The following SLC1A5 variants were observed in gnomAD, a reference collection of about 807,000 sequenced individuals.
The protein encoded by SLC1A5 is neutral amino acid transporter B(0).
Under a neutral mutation model 34.9 loss-of-function variants are expected in SLC1A5, and 25 were observed. The ratio of observed to expected loss-of-function variants is 0.72; its 90% CI spans 0.52 to 1.00. SLC1A5 has a LOEUF of 1.00. SLC1A5 is among the 50% of genes least tolerant of loss of function. The pLI, the probability that SLC1A5 is intolerant of heterozygous loss-of-function variation, is 0.00. For synonymous variants in SLC1A5, 351 were observed against 341.2 expected (o/e 1.03, Z -0.32); for missense variants, 637 against 740.0 (o/e 0.86, Z 1.61).
At chr19:46,778,963 G>T in intron 4 of SLC1A5, 55 bp from the exon 5 acceptor site, 1 of 1,337,412 alleles carries the variant, frequency 7.5e-7, no homozygotes, top group Non-Finnish European at 1.0e-6. Flanking sequence ...CCAGTGGCCA[G>T]GCGTGAGGCT....
rs2055077208 is a variant in SLC1A5 at position 46,775,396 on chromosome 19, T to TC, written c.*113dup. ...CCTGGAGGGTGCTGGGGCCCCTGGC[T>TC]CCCCAGAGTGTGCAGGCAGACCCCC... is the stretch of plus-strand genomic sequence containing the variant. On this transcript the variant is annotated 3_prime_UTR_variant, in exon 8 of 8. Coordinates refer to ENST00000542575, the MANE Select transcript of SLC1A5 (RefSeq NM_005628.3). 6 of 1,511,276 alleles carry TC rather than the reference T, an allele frequency of 4.0e-6. No homozygotes were observed. Among genetic ancestry groups the TC allele is most frequent in the Non-Finnish European group, 5.3e-6 (6 of 1,132,462 alleles). 93.6% of individuals were successfully genotyped at this position (1,511,276 alleles called of 1,614,324 possible). A position where few individuals can be genotyped will look rare whatever the true frequency, so the allele number is the denominator to read the frequency against.
At chr19:46,780,154 C>A (rs1281959569) in intron 4 of SLC1A5, among the ~76,000 whole-genome samples, 1 of 151,552 alleles carries the variant, frequency 6.6e-6, no homozygotes, top group Non-Finnish European at 1.5e-5. Flanking sequence ...ACTGGGCCAC[C>A]CAGTTTCTTA....
intron 4 of SLC1A5, among the ~76,000 whole-genome samples, chr19:46,780,652 C>T (rs1450600756): frequency 6.6e-6 from 1 of 151,556 alleles, no homozygotes; most frequent in African/African-American, 2.4e-5. Flanking sequence ...GGTACCACAA[C>T]CAGCCAAAAC....
intron 4 of SLC1A5, among the ~76,000 whole-genome samples, chr19:46,779,418 C>G (rs566988980): frequency 1.4e-5 from 2 of 138,714 alleles, no homozygotes; most frequent in South Asian, 4.6e-4. Flanking sequence ...GAGTGAAACT[C>G]CATCTCAAAA....
At chr19:46,786,434 G>C (rs942479153) in intron 1 of SLC1A5, among the ~76,000 whole-genome samples, 2 of 152,150 alleles carry the variant, frequency 1.3e-5, no homozygotes, top group Non-Finnish European at 2.9e-5. Flanking sequence ...CCAGGCCCAG[G>C]CTGGGCCAGG....
At chr19:46,777,534 G>T in intron 5 of SLC1A5, 129 bp from the exon 6 acceptor site, 1 of 721,624 alleles carries the variant, frequency 1.4e-6, no homozygotes, top group Non-Finnish European at 2.1e-6. Flanking sequence ...ACCCCACCCA[G>T]TGGATCCCCA....
At chr19:46,778,992 T>G in intron 4 of SLC1A5, 84 bp from the exon 5 acceptor site, 1 of 926,886 alleles carries the variant, frequency 1.1e-6, no homozygotes, top group South Asian at 1.7e-5. Flanking sequence ...TACCCACATC[T>G]TCCTGCCTTC....
intron 4 of SLC1A5, 41 bp downstream of exon 4, chr19:46,782,342 T>TGCCAACCCCCCCC: frequency 1.9e-6 from 1 of 523,372 alleles, no homozygotes. Context: ...AGACCGACCC[T>TGCCAACCCCCCCC]CCAACCCCAC....
At chr19:46,782,346 A>ACCCCCACCCCCCCCCACCCCCCCCCC in intron 4 of SLC1A5, 37 bp downstream of exon 4, 1 of 567,986 alleles carries the variant, frequency 1.8e-6, no homozygotes. Context: ...CGACCCTCCA[A>ACCCCCACCCCCCCCCACCCCCCCCCC]CCCCACCCAC....
intron 4 of SLC1A5, 92 bp from the exon 5 acceptor site, chr19:46,779,000 T>C: frequency 1.1e-6 from 1 of 898,486 alleles, no homozygotes; most frequent in Admixed American, 2.9e-5. Context: ...TCTTCCTGCC[T>C]TCCTGAGGTC....
At chr19:46,786,428 G>A (rs1161447409) in intron 1 of SLC1A5, among the ~76,000 whole-genome samples, 1 of 152,148 alleles carries the variant, frequency 6.6e-6, no homozygotes, top group Non-Finnish European at 1.5e-5. Flanking sequence ...TACCACCCAG[G>A]CCCAGGCTGG....
In SLC1A5 at chr19:46,775,052, A is replaced by AACACACAC. The variant is rs55753437; in HGVS notation, c.*450_*457dup. The stretch of plus-strand genomic sequence containing the variant: ...GTACCATGGGGACAGGAGGTCACAG[A>AACACACAC]ACACACACACACACACACACACACA... On this transcript the variant is annotated 3_prime_UTR_variant, in exon 8 of 8. Transcript: ENST00000542575. The AACACACAC allele has an allele frequency of 4.1e-6, 4 of 977,984 alleles. No homozygotes were observed. Among genetic ancestry groups the AACACACAC allele is most frequent in the African/African-American group, 1.8e-5 (1 of 54,928 alleles). The allele number at this position is 977,984 out of a possible 1,614,324, so 60.6% of individuals were successfully genotyped here. A position where few individuals can be genotyped will look rare whatever the true frequency, so the allele number is the denominator to read the frequency against.
In SLC1A5 at chr19:46,782,510, C is replaced by G. The variant is rs2055155111; in HGVS notation, c.697G>C (p.Gly233Arg). 1 of 1,613,986 alleles carries G rather than the reference C, an allele frequency of 6.2e-7. No individual in the cohort carries two copies. Among genetic ancestry groups the G allele is most frequent in the African/African-American group, 1.3e-5 (1 of 74,940 alleles). Residue 233 changes from glycine to arginine, a missense_variant, in exon 4 of 8, where the codon GGC becomes CGC. By Grantham distance (125) the Gly-to-Arg change is moderately radical (BLOSUM62 -2). Coordinates refer to ENST00000542575, the MANE Select transcript of SLC1A5 (RefSeq NM_005628.3). ...GQEVEGMNILGLVVFAIVFGV... is the reference protein window; with the variant it reads ...GQEVEGMNILRLVVFAIVFGV... ...AAGACGATGGCAAACACTACCAAGCCCAGGATGTTCATCCCCTCCACCTCC... is the reference window on the plus strand; with the variant it reads ...AAGACGATGGCAAACACTACCAAGCGCAGGATGTTCATCCCCTCCACCTCC...
intron 2 of SLC1A5, 58 bp from the exon 3 acceptor site, chr19:46,784,202 T>C (rs537597922): frequency 1.5e-6 from 2 of 1,303,412 alleles, no homozygotes; most frequent in Admixed American, 3.6e-5. Context: ...CCCAACCCCA[T>C]GCCAAGCTAA....
chr19:46,775,693 G>A lies in SLC1A5; in HGVS notation c.1443C>T (p.Leu481=). The A allele has an allele frequency of 6.2e-7, 1 of 1,613,970 alleles. No individual in the cohort carries two copies. The highest frequency in any genetic ancestry group is 1.3e-5 in the African/African-American group (1 of 75,016). Residue 481 remains leucine, a synonymous_variant, in exon 8 of 8, where the codon CTC becomes CTT. Transcript: ENST00000542575. ...CCGTACGGTCCACGTAATTTTGGAG[G>A]AGTCCTGCCCCCAGAGCGTCACCTT... ...NVEGDALGAG[L]LQNYVDRTES...
Position 46,781,467 on chromosome 19 carries a change from G to A in SLC1A5, c.824+916C>T, listed in dbSNP as rs182732604. ...TACAAAATTAGCCGGGCATGGTGGCGCATGCCTGTAATCCCAGCTACTCGG... is the reference window on the plus strand; with the variant it reads ...TACAAAATTAGCCGGGCATGGTGGCACATGCCTGTAATCCCAGCTACTCGG... On this transcript the variant is annotated intron_variant, in intron 4 of 7. Transcript: ENST00000542575. Among the ~76,000 whole-genome samples, 324 of 152,202 alleles carry A rather than the reference G, an allele frequency of 2.1e-3. 1 individual carries two copies. The highest frequency in any genetic ancestry group is 7.6e-3 in the African/African-American group (314 of 41,530).
intron 4 of SLC1A5, among the ~76,000 whole-genome samples, chr19:46,780,492 G>C (rs996604533): frequency 2.0e-5 from 3 of 151,820 alleles, no homozygotes; most frequent in Admixed American, 6.6e-5. Context: ...TAGTAGCTAG[G>C]ATTAAAGGTG....
chr19:46,783,340 G>A (rs1275859639), intron 3 of SLC1A5, among the ~76,000 whole-genome samples: 4 of 151,942 alleles, frequency 2.6e-5, no homozygotes, highest in Admixed American at 6.6e-5. Flanking sequence ...GCACATGCCT[G>A]TAATCCCAGC....
chr19:46,784,509 G>A lies in SLC1A5; in HGVS notation c.609+8C>T. On this transcript the variant is annotated splice_region_variant and intron_variant, in intron 2 of 7. Transcript: ENST00000542575. Reference sequence around the variant, plus strand: ...CCCCATCCCCTCAGGACACCCCTGAGGACTCACTGAGCGAAAGGCTGCTGA... The same window carrying A: ...CCCCATCCCCTCAGGACACCCCTGAAGACTCACTGAGCGAAAGGCTGCTGA... 1.2e-6 allele frequency: 2 copies of A among 1,613,976 alleles called. No homozygotes were observed. The highest frequency in any genetic ancestry group is 8.5e-7 in the Non-Finnish European group (1 of 1,179,976).
Sources: gnomAD v4.1 joint callset for allele counts (sites outside exome capture counted in the v4.1 genomes callset) on GRCh38, gnomAD v4.1.1 for gene constraint, MANE v1.5 for transcripts, NCBI Gene and HGNC (gene_info 2026-07-23, HGNC 2026-07-21) for gene names.